CDCP2: variants seen among roughly 807,000 people sequenced by gnomAD.
CDCP2 encodes CUB domain-containing protein 2.
A neutral mutation model predicts 31.0 loss-of-function variants in CDCP2; 31 were observed. The observed-to-expected ratio is 1.00, with a 90% CI of 0.75 to 1.35. CDCP2 has a LOEUF of 1.35. CDCP2 is among the 40% of genes most tolerant of loss of function. The pLI is 0.00. For missense variants in CDCP2, 443 were observed against 482.6 expected (o/e 0.92, Z 0.77); for synonymous variants, 206 against 207.9 (o/e 0.99, Z 0.08).
At chr1:54,139,788 G>A (rs1170920516) in exon 4 of CDCP2, 1 of 1,614,124 alleles carries the variant, frequency 6.2e-7, no homozygotes, top group African/African-American at 1.3e-5. Flanking sequence ...CCTGCGGGTG[G>A]TGCTGCGGTC....
At chr1:54,139,810 G>A (rs1175580473) in exon 4 of CDCP2, 1 of 1,614,238 alleles carries the variant, frequency 6.2e-7, no homozygotes, top group East Asian at 2.2e-5. Context: ...GTGTGCAGCA[G>A]AAGCAGAAGC....
chr1:54,137,587 C>T (rs982162787), intron 4 of CDCP2, among the ~76,000 whole-genome samples: 1 of 152,062 alleles, frequency 6.6e-6, no homozygotes, highest in African/African-American at 2.4e-5. Flanking sequence ...GTCTGTTTGC[C>T]CTATTCAGCA....
At chr1:54,139,499 G>A (rs778179324) in intron 4 of CDCP2, 3 of 1,594,108 alleles carry the variant, frequency 1.9e-6, no homozygotes, top group Non-Finnish European at 2.6e-6. Context: ...ACCAGATGGG[G>A]AGGGGTGAGG....
At chr1:54,142,205 GC>G (rs1659387195) in intron 2 of CDCP2, 3 of 152,256 alleles carry the variant, frequency 2.0e-5, no homozygotes, top group Non-Finnish European at 2.9e-5. Context: ...CTCCTACGAG[GC>G]CAGTGGGGCA....
chr1:54,140,144 AG>A, intron 3 of CDCP2, 38 bp from the exon 4 acceptor site: 1 of 1,586,896 alleles, frequency 6.3e-7, no homozygotes, highest in Non-Finnish European at 8.6e-7. Flanking sequence ...AGCAACAGTG[AG>A]GGGAGAGGAG....
intron 2 of CDCP2, 130 bp from the exon 3 acceptor site, chr1:54,141,563 G>C: frequency 1.3e-6 from 1 of 757,520 alleles, no homozygotes; most frequent in Middle Eastern, 2.7e-4. Context: ...CATCCAGCAA[G>C]CACCTGCTAC....
At chr1:54,144,804 C>T (rs769922642) in exon 2 of CDCP2, 16 of 1,609,150 alleles carry the variant, frequency 9.9e-6, no homozygotes, top group Admixed American at 3.4e-5. Flanking sequence ...CACACCCCCA[C>T]ATTTGACACC....
intron 1 of CDCP2, among the ~76,000 whole-genome samples, chr1:54,146,422 C>T (rs886700331): frequency 2.6e-5 from 4 of 151,804 alleles, no homozygotes; most frequent in Non-Finnish European, 5.9e-5. Context: ...TCAAGTTATC[C>T]GCCTGCCTTG....
At chr1:54,133,383 G>A (rs1659199270) in intron 5 of CDCP2, 89 bp from the exon 6 acceptor site, 1 of 397,920 alleles carries the variant, frequency 2.5e-6, no homozygotes, top group East Asian at 3.6e-5. Flanking sequence ...TACCAGGGGG[G>A]CAGAGCCCGA....
intron 5 of CDCP2, among the ~76,000 whole-genome samples, chr1:54,134,846 A>C (rs772613607): frequency 1.3e-5 from 2 of 151,914 alleles, no homozygotes; most frequent in Non-Finnish European, 2.9e-5. Flanking sequence ...AGCGATTCTC[A>C]TGCCTCAGCC....
chr1:54,140,806 G>A, intron 3 of CDCP2: 1 of 306,372 alleles, frequency 3.3e-6, no homozygotes, highest in Non-Finnish European at 6.0e-6. Flanking sequence ...TCAGACAGGG[G>A]AGATTGACAT....
chr1:54,141,141 G>C, exon 3 of CDCP2: 1 of 1,545,974 alleles, frequency 6.5e-7, no homozygotes. Flanking sequence ...CGATGTTGAA[G>C]TCGGACTTGA....
intron 1 of CDCP2, among the ~76,000 whole-genome samples, chr1:54,147,075 C>CAAAAA (rs71066904): frequency 3.5e-5 from 2 of 56,892 alleles, no homozygotes; most frequent in African/African-American, 7.1e-5. Flanking sequence ...GACTCCATCT[C>CAAAAA]AAAAAAAAAA....
rs1221719790 is a variant in CDCP2, at chr1:54,139,761, T to C, written c.1109A>G (p.Tyr370Cys). ...CCCACAGCCCAGCTGACCTCCGATG[T>C]AGGCCACAGAGAAGCCCCTGCGGGT... is the stretch of plus-strand genomic sequence containing the variant. The change falls in exon 4 of 6, where the codon TAC (tyrosine) becomes TGC (cysteine). Residue 370 changes from tyrosine to cysteine, a missense_variant. Tyr to Cys is a radical substitution (Grantham distance 194, BLOSUM62 -2). Transcript: ENST00000530059. 9 of 1,614,118 alleles carry C rather than the reference T, an allele frequency of 5.6e-6. No homozygotes were observed. In the East Asian group the frequency reaches 1.1e-4, roughly 20 times the overall value.
intron 1 of CDCP2, among the ~76,000 whole-genome samples, chr1:54,152,461 CA>C (rs11420931): frequency 6.8e-4 from 97 of 142,930 alleles, no homozygotes; most frequent in Admixed American, 2.5e-3. Flanking sequence ...AAGACTGTCT[CA>C]AAAAAAAAAA....
At chr1:54,143,178 A>G (rs1659403528) in intron 2 of CDCP2, among the ~76,000 whole-genome samples, 1 of 152,146 alleles carries the variant, frequency 6.6e-6, no homozygotes, top group South Asian at 2.1e-4. Context: ...TCTACCAAAA[A>G]TACAAAAATT....
exon 6 of CDCP2, chr1:54,133,255 T>C (rs1570054115): frequency 5.0e-6 from 2 of 399,160 alleles, no homozygotes; most frequent in Non-Finnish European, 8.8e-6. Flanking sequence ...GAGAAGTCGA[T>C]GTACAGCACG....
At chr1:54,134,244 C>T (rs1385433144) in intron 5 of CDCP2, among the ~76,000 whole-genome samples, 2 of 152,236 alleles carry the variant, frequency 1.3e-5, no homozygotes, top group South Asian at 2.1e-4. Flanking sequence ...ATGGCTTCCC[C>T]CTGCAGCCTT....
At chr1:54,139,976 G>A in exon 4 of CDCP2, 1 of 1,614,168 alleles carries the variant, frequency 6.2e-7, no homozygotes, top group East Asian at 2.2e-5. Flanking sequence ...GGTCCAGGAA[G>A]AACACCTTGA....
Sources: gnomAD v4.1 joint callset for allele counts (sites outside exome capture counted in the v4.1 genomes callset) on GRCh38, gnomAD v4.1.1 for gene constraint, MANE v1.5 for transcripts, NCBI Gene and HGNC (gene_info 2026-07-23, HGNC 2026-07-21) for gene names.